The following SIMC1 variants were observed in gnomAD, a reference collection of about 807,000 sequenced individuals.
SIMC1 encodes SUMO interacting motifs containing 1.
Under a neutral mutation model 82.3 loss-of-function variants are expected in SIMC1, and 55 were observed. The ratio of observed to expected loss-of-function variants is 0.67; its 90% confidence interval spans 0.54 to 0.84. The LOEUF (loss-of-function observed/expected upper bound fraction) is 0.84. Ranked by LOEUF, SIMC1 falls within the 40% of genes least tolerant of loss-of-function variation. The pLI, the probability that SIMC1 is intolerant of heterozygous loss-of-function variation, is 0.00. For synonymous variants in SIMC1, 353 were observed against 426.3 expected (o/e 0.83, Z 2.12); for missense variants, 915 against 1,107.2 (o/e 0.83, Z 2.46).
At chr5:176,344,313 G>T (rs1401701127) in intron 9 of SIMC1, among the ~76,000 whole-genome samples, 2 of 152,044 alleles carry the variant, frequency 1.3e-5, no homozygotes, top group Non-Finnish European at 2.9e-5. Flanking sequence ...TTTTGTACAT[G>T]TCCTATGATT....
chr5:176,332,641 T>C (rs192430339), intron 7 of SIMC1, among the ~76,000 whole-genome samples: 35 of 152,322 alleles, frequency 2.3e-4, no homozygotes, highest in Non-Finnish European at 7.3e-5. Context: ...TAAATTCACA[T>C]GCAATTTTAA....
At chr5:176,247,623 T>A (rs897241565) in intron 1 of SIMC1, among the ~76,000 whole-genome samples, 1 of 152,138 alleles carries the variant, frequency 6.6e-6, no homozygotes, top group African/African-American at 2.4e-5. Flanking sequence ...TCAGATCCAT[T>A]TGTCAATTTT....
intron 1 of SIMC1, among the ~76,000 whole-genome samples, chr5:176,275,793 G>T (rs1319589134): frequency 1.3e-5 from 2 of 151,606 alleles, no homozygotes; most frequent in African/African-American, 2.4e-5. Flanking sequence ...TCCGTATATT[G>T]AACCAGCCTT....
chr5:176,332,143 AC>A (rs1383600671), intron 7 of SIMC1, among the ~76,000 whole-genome samples: 1 of 152,162 alleles, frequency 6.6e-6, no homozygotes, highest in African/African-American at 2.4e-5. Flanking sequence ...TTGGTTTTAT[AC>A]CTGTAATCTG....
chr5:176,332,637 C>T (rs2113397998), intron 7 of SIMC1, among the ~76,000 whole-genome samples: 1 of 152,068 alleles, frequency 6.6e-6, no homozygotes, highest in South Asian at 2.1e-4. Flanking sequence ...ATTGTAAATT[C>T]ACATGCAATT....
At position 176,316,263 on chromosome 5, in the gene SIMC1, G is replaced by T. The variant is rs1280195279; in HGVS notation, c.1889+2418G>T. On this transcript the variant is annotated intron_variant, in intron 5 of 9. Transcript: ENST00000429602. ...CTACCATTATGCTTTGCGAGCCTAG[G>T]CATTAAGAGTGAGTGGGATACCCAA... Among the ~76,000 whole-genome samples the T allele has an allele frequency of 5.9e-5, 9 of 152,110 alleles. No homozygotes were observed. The South Asian group carries it at 1.2e-3, about 21-fold the overall frequency.
rs866846608 is a variant in SIMC1, at chr5:176,277,881, G to A, written c.130-11773G>A. The stretch of plus-strand genomic sequence containing the variant: ...GTAGTATAGTTTGAAGTCAGGTAGC[G>A]TGATGCCTCCAGCTTTGTTCTTTTG... On this transcript the variant is annotated intron_variant, in intron 1 of 9. Coordinates refer to ENST00000429602, the MANE Select transcript of SIMC1 (RefSeq NM_001308195.2). 6.0e-5 allele frequency among the ~76,000 whole-genome samples: 9 copies of A among 151,004 alleles called. 1 individual carries two copies. The South Asian group carries it at 8.4e-4, about 14-fold the overall frequency.
chr5:176,307,098 A>G (rs1038184292), intron 4 of SIMC1, among the ~76,000 whole-genome samples: 1 of 152,166 alleles, frequency 6.6e-6, no homozygotes, highest in Non-Finnish European at 1.5e-5. Flanking sequence ...TCAAAACCAC[A>G]ATGCAATGTC....
chr5:176,261,842 C>G (rs1450242300), intron 1 of SIMC1, among the ~76,000 whole-genome samples: 1 of 152,016 alleles, frequency 6.6e-6, no homozygotes, highest in Non-Finnish European at 1.5e-5. Context: ...TAGTAACCTT[C>G]CAAAACAGAA....
intron 4 of SIMC1, among the ~76,000 whole-genome samples, chr5:176,298,860 C>T (rs1280849567): frequency 2.0e-5 from 3 of 150,452 alleles, no homozygotes; most frequent in Admixed American, 6.6e-5. Context: ...CATGTCACTA[C>T]AAAAAAAATC....
chr5:176,279,997 G>C (rs941190648), intron 1 of SIMC1, among the ~76,000 whole-genome samples: 1 of 151,986 alleles, frequency 6.6e-6, no homozygotes, highest in Non-Finnish European at 1.5e-5. Context: ...GGTCCGCTTG[G>C]TGCAGAGCTG....
At chr5:176,296,506 T>C (rs1763823493) in intron 4 of SIMC1, 186 bp downstream of exon 4, 1 of 732,772 alleles carries the variant, frequency 1.4e-6, no homozygotes, top group African/African-American at 1.8e-5. Flanking sequence ...TCTACAAAAA[T>C]AAAAATAAAA....
At chr5:176,299,065 A>G (rs975639775) in intron 4 of SIMC1, among the ~76,000 whole-genome samples, 1 of 152,248 alleles carries the variant, frequency 6.6e-6, no homozygotes, top group South Asian at 2.1e-4. Context: ...ACTATATGCC[A>G]TCTACAAGAG....
chr5:176,245,858 T>A (rs1321994063), intron 1 of SIMC1, among the ~76,000 whole-genome samples: 1 of 152,092 alleles, frequency 6.6e-6, no homozygotes, highest in African/African-American at 2.4e-5. Context: ...GTGGCTCCAG[T>A]CCAAGGTCGA....
intron 1 of SIMC1, among the ~76,000 whole-genome samples, chr5:176,263,232 A>G (rs1193925160): frequency 6.6e-6 from 1 of 152,258 alleles, no homozygotes; most frequent in Non-Finnish European, 1.5e-5. Flanking sequence ...GGTAGATTCA[A>G]TGCAATCCCA....
chr5:176,298,929 G>A (rs576144207), intron 4 of SIMC1, among the ~76,000 whole-genome samples: 21 of 152,326 alleles, frequency 1.4e-4, no homozygotes, highest in African/African-American at 2.4e-4. Context: ...GCTACAAGAC[G>A]TATAGGAAAT....
At chr5:176,246,698 C>T (rs186487491) in intron 1 of SIMC1, among the ~76,000 whole-genome samples, 47 of 151,854 alleles carry the variant, frequency 3.1e-4, no homozygotes, top group Non-Finnish European at 4.4e-5. Flanking sequence ...GCCATGGTGG[C>T]TGCTGCACTT....
intron 1 of SIMC1, among the ~76,000 whole-genome samples, chr5:176,274,140 A>G (rs1360693588): frequency 1.1e-4 from 16 of 146,602 alleles, no homozygotes; most frequent in Non-Finnish European, 1.7e-4. Flanking sequence ...AAGTGTTCCT[A>G]TTTCTCCACA....
At chr5:176,272,759 C>G (rs1762501840) in intron 1 of SIMC1, among the ~76,000 whole-genome samples, 1 of 152,192 alleles carries the variant, frequency 6.6e-6, no homozygotes, top group South Asian at 2.1e-4. Context: ...TTCCAATGGT[C>G]TTAGCAAACG....
Sources: allele counts gnomAD v4.1 joint callset (sites outside exome capture counted in the v4.1 genomes callset), GRCh38; gene constraint gnomAD v4.1.1; transcripts MANE v1.5; gene names NCBI Gene and HGNC (gene_info 2026-07-23, HGNC 2026-07-21).